The following PRX variants were observed in gnomAD, a reference collection of about 807,000 sequenced individuals.
PRX encodes the protein periaxin.
A neutral mutation model predicts 29.6 loss-of-function variants in PRX; 24 were observed. That is an observed-to-expected ratio of 0.81 (90% CI 0.59 to 1.14). PRX has a LOEUF of 1.14. PRX is among the 50% of genes most tolerant of loss of function. The pLI, the probability that PRX is intolerant of heterozygous loss-of-function variation, is 0.00. For synonymous variants in PRX, 772 were observed against 831.7 expected, an observed-to-expected ratio of 0.93 and a Z score of 1.24; for missense variants, 1,838 against 1,926.4, an observed-to-expected ratio of 0.95 and a Z score of 0.86.
chr19:40,396,058 T>A lies in PRX; in HGVS notation c.2294A>T (p.Asp765Val). Residue 765 changes from aspartate (D) to valine (V), a missense_variant, in exon 7 of 7, where the codon GAC becomes GTC. By Grantham distance (152) the Asp-to-Val change is radical (BLOSUM62 -3). This residue lies in a region of PRX where 1,143 missense variants were observed against 1,193.0 expected (regional missense o/e 0.96). Coordinates refer to ENST00000324001, the MANE Select transcript of PRX (RefSeq NM_181882.3). ...CTCTGGTGCCTTCGGAAGATGCACG[T>A]CGGGAACCTTCGGCACTTGCATTTC... ...LPEMQVPKVP[D>V]VHLPKAPEVK... The A allele has an allele frequency of 6.2e-7, 1 of 1,614,174 alleles. No individual in the cohort carries two copies. The highest frequency in any genetic ancestry group is 1.6e-4 in the Middle Eastern group (1 of 6,062).
At position 40,398,071 on chromosome 19, in the gene PRX, G is replaced by T. The variant is rs1024650802; in HGVS notation, c.382-101C>A. 2.9e-5 allele frequency: 42 copies of T among 1,473,580 alleles called. No homozygotes were observed. Among genetic ancestry groups the T allele is most frequent in the Admixed American group, 7.8e-5 (3 of 38,668 alleles). 91.3% of individuals were successfully genotyped at this position (1,473,580 alleles called of 1,614,324 possible). ...TATTGGACCAGGCGGGGGATGTGCT[G>T]GGTCAAGTATCTTGTTCCCCAAACA... On this transcript the variant is annotated intron_variant, in intron 6 of 6. Transcript: ENST00000324001. This position sits in a 1 kb window ranked among gnomAD's most constrained non-coding sequence, Gnocchi z 6.3.
At chr19:40,410,216 C>A (rs1366743175) in intron 1 of PRX, among the ~76,000 whole-genome samples, 1 of 152,160 alleles carries the variant, frequency 6.6e-6, no homozygotes, top group African/African-American at 2.4e-5. Context: ...CTCCCCCAAC[C>A]CCCGACTCTG....
intron 5 of PRX, among the ~76,000 whole-genome samples, chr19:40,399,996 T>C (rs978318176): frequency 1.3e-5 from 2 of 150,398 alleles, no homozygotes; most frequent in Non-Finnish European, 2.9e-5. Flanking sequence ...TTTCTTTTCT[T>C]TTTTAGATGG....
intron 5 of PRX, among the ~76,000 whole-genome samples, chr19:40,399,881 T>TTC (rs1331941769): frequency 1.5e-5 from 1 of 67,834 alleles, no homozygotes; most frequent in African/African-American, 9.8e-5. Flanking sequence ...CTTTCTTTCT[T>TTC]TCTTTCTTTC....
At chr19:40,399,273 C>T (rs1381339971) in intron 5 of PRX, among the ~76,000 whole-genome samples, 1 of 152,166 alleles carries the variant, frequency 6.6e-6, no homozygotes, top group Non-Finnish European at 1.5e-5. Context: ...GCAATTCTCT[C>T]CTCTTCCCAC....
In PRX at chr19:40,394,694, G is replaced by T; in HGVS notation, c.3658C>A (p.Gln1220Lys). ...CTTAGCCCCACGTCCAGCTCAAGCT[G>T]GGGCACTGTCACGGTGGGCATCTTA... ...VFKMPTVTVP[Q>K]LELDVGLSRE... Residue 1220 changes from glutamine to lysine, a missense_variant, in exon 7 of 7, where the codon CAG becomes AAG. This residue lies in a region of PRX where 1,143 missense variants were observed against 1,193.0 expected (regional missense o/e 0.96). Transcript: ENST00000324001. The surrounding 1 kb of genome is among the most constrained non-coding windows in gnomAD (Gnocchi z 5.8). 1 of 1,611,026 alleles carries T rather than the reference G, an allele frequency of 6.2e-7. No homozygotes were observed.
At chr19:40,411,258 C>T (rs1450503067) in intron 1 of PRX, among the ~76,000 whole-genome samples, 1 of 152,072 alleles carries the variant, frequency 6.6e-6, no homozygotes, top group African/African-American at 2.4e-5. Context: ...GGCCAGGTGC[C>T]GGGCCTGGAC....
chr19:40,397,620 C>A lies in PRX; in HGVS notation c.732G>T (p.Ala244=). The A allele has an allele frequency of 6.5e-7, 1 of 1,541,538 alleles. No individual in the cohort carries two copies. Among genetic ancestry groups the A allele is most frequent in the East Asian group, 2.4e-5 (1 of 41,346 alleles). Residue 244 remains alanine, a synonymous_variant, in exon 7 of 7, where the codon GCG becomes GCT. Coordinates refer to ENST00000324001, the MANE Select transcript of PRX (RefSeq NM_181882.3). ...VELVGPRLPG[A]EVGVPQVSAP... ...CTGAGACCTGGGGGACACCCACCTC[C>A]GCCCCTGGCAGCCGCGGCCCAACCA...
intron 4 of PRX, among the ~76,000 whole-genome samples, chr19:40,406,113 G>A (rs113034080): frequency 6.6e-6 from 1 of 151,874 alleles, no homozygotes; most frequent in Admixed American, 6.6e-5. Context: ...CAGGCGTGGT[G>A]GTGGGCGCCT....
At chr19:40,404,786 C>A (rs1260931934) in intron 4 of PRX, among the ~76,000 whole-genome samples, 1 of 151,966 alleles carries the variant, frequency 6.6e-6, no homozygotes, top group African/African-American at 2.4e-5. Context: ...GTTGCCCAGG[C>A]TGGTCTCAAA....
intron 5 of PRX, 24 bp downstream of exon 5, chr19:40,403,682 G>A: frequency 1.4e-6 from 2 of 1,459,270 alleles, no homozygotes; most frequent in South Asian, 2.7e-5. Context: ...GTTCGACCCC[G>A]CCCCACACCC....
At chr19:40,409,818 G>A (rs776669334) in intron 1 of PRX, among the ~76,000 whole-genome samples, 2 of 152,150 alleles carry the variant, frequency 1.3e-5, no homozygotes, top group Non-Finnish European at 2.9e-5. Flanking sequence ...ACCTTGTGTC[G>A]AGCGCCCCAC....
At chr19:40,403,543 T>C (rs2079510316) in intron 5 of PRX, among the ~76,000 whole-genome samples, 163 bp downstream of exon 5, 1 of 152,112 alleles carries the variant, frequency 6.6e-6, no homozygotes, top group African/African-American at 2.4e-5. Flanking sequence ...CTCCGGAATT[T>C]GCTGTGAACA....
chr19:40,407,765 AT>A, intron 4 of PRX, 140 bp downstream of exon 4: 1 of 1,227,628 alleles, frequency 8.1e-7, no homozygotes, highest in Non-Finnish European at 1.2e-6. Context: ...ACAGTGACCC[AT>A]AAAATAGACC....
In PRX at chr19:40,396,100, G is replaced by A. The variant is rs570569581; in HGVS notation, c.2252C>T (p.Ser751Leu). Residue 751 changes from serine to leucine, a missense_variant, in exon 7 of 7, where the codon TCA becomes TTA. Around this residue, in one of 3 missense-constraint regions of PRX, gnomAD observed 1,143 missense variants for 1,193.0 expected, o/e 0.96. Coordinates refer to ENST00000324001, the MANE Select transcript of PRX (RefSeq NM_181882.3). ...TTGCATTTCCGGCAGCCGAATCTCT[G>A]ACACTTTCGGCAGCTGCACCTCGGG... is the stretch of plus-strand genomic sequence containing the variant. ...HLPEVQLPKV[S>L]EIRLPEMQVP... The A allele has an allele frequency of 8.1e-5, 131 of 1,614,198 alleles. 1 individual carries two copies. The South Asian group carries it at 1.4e-3, about 17-fold the overall frequency.
At chr19:40,406,567 C>T (rs941181135) in intron 4 of PRX, among the ~76,000 whole-genome samples, 6 of 152,116 alleles carry the variant, frequency 3.9e-5, no homozygotes, top group Non-Finnish European at 8.8e-5. Flanking sequence ...GCTGTACCCA[C>T]TGCCTCTCGC....
In PRX at chr19:40,397,608, G is replaced by C. The variant is rs1439341106; in HGVS notation, c.744C>G (p.Val248=). The change falls in exon 7 of 7, where the codon GTC becomes GTG. Residue 248 remains valine, a synonymous_variant. Coordinates refer to ENST00000324001, the MANE Select transcript of PRX (RefSeq NM_181882.3). ...CAGCCTTGGGGGCTGAGACCTGGGGGACACCCACCTCCGCCCCTGGCAGCC... is the reference window on the plus strand; with the variant it reads ...CAGCCTTGGGGGCTGAGACCTGGGGCACACCCACCTCCGCCCCTGGCAGCC... ...GPRLPGAEVG[V]PQVSAPKAAP... is the part of the protein sequence containing the mutation. The C allele has an allele frequency of 6.5e-7, 1 of 1,541,352 alleles. No homozygotes were observed. The highest frequency in any genetic ancestry group is 1.2e-5 in the South Asian group (1 of 84,278).
chr19:40,397,990 G>T lies in PRX; in HGVS notation c.382-20C>A. 6.3e-7 allele frequency: 1 copy of T among 1,598,346 alleles called. No individual in the cohort carries two copies. Among genetic ancestry groups the T allele is most frequent in the Non-Finnish European group, 8.5e-7 (1 of 1,172,456 alleles). Reference sequence around the variant, plus strand: ...GATGTTCTGGGGAGAGAGGAGAGAGGCAGGAGGCGGTGGGACAGTGGGAGG... The same window carrying T: ...GATGTTCTGGGGAGAGAGGAGAGAGTCAGGAGGCGGTGGGACAGTGGGAGG... On this transcript the variant is annotated intron_variant, in intron 6 of 6. Coordinates refer to ENST00000324001, the MANE Select transcript of PRX (RefSeq NM_181882.3).
At position 40,397,377 on chromosome 19, in the gene PRX, G is replaced by C; in HGVS notation, c.975C>G (p.Thr325=). 6.2e-7 allele frequency: 1 copy of C among 1,612,836 alleles called. No individual in the cohort carries two copies. The highest frequency in any genetic ancestry group is 8.5e-7 in the Non-Finnish European group (1 of 1,179,898). The change falls in exon 7 of 7, where the codon ACC becomes ACG. Residue 325 remains threonine (T), a synonymous_variant. Transcript: ENST00000324001. ...REGAVSVVVP[T]LDVAAPTVGV... ...CCACAGTCGGTGCTGCCACATCCAG[G>C]GTGGGCACCACTACCGACACAGCCC...
Sources: allele counts gnomAD v4.1 joint callset (sites outside exome capture counted in the v4.1 genomes callset), GRCh38; gene constraint gnomAD v4.1.1; regional missense constraint gnomAD v4.1.1; non-coding constraint Gnocchi (gnomAD v3.1); transcripts MANE v1.5; gene names NCBI Gene and HGNC (gene_info 2026-07-23, HGNC 2026-07-21).